CRY1: variants seen among roughly 807,000 people sequenced by gnomAD.
CRY1 encodes cryptochrome circadian regulator 1.
In CRY1, 45 loss-of-function variants were observed where a neutral mutation model predicts 76.0. That is an observed-to-expected ratio of 0.59 (90% CI 0.47 to 0.76). The LOEUF (loss-of-function observed/expected upper bound fraction) is 0.76, where lower values mean the gene tolerates loss of function less well. Among genes scored for constraint, CRY1 ranks in the 30% least tolerant of loss-of-function variants. CRY1 has a pLI of 0.00. For missense variants in CRY1, 587 were observed against 716.4 expected, an observed-to-expected ratio of 0.82 and a Z score of 2.06; for synonymous variants, 248 against 244.0, an observed-to-expected ratio of 1.02 and a Z score of -0.15.
chr12:107,026,295 G>C (rs562176842), intron 1 of CRY1, among the ~76,000 whole-genome samples: 1 of 149,604 alleles, frequency 6.7e-6, no homozygotes, highest in South Asian at 2.1e-4. Flanking sequence ...GCAGTGGCAC[G>C]ATCTCAGCTC....
At chr12:107,027,965 T>G (rs1952634025) in intron 1 of CRY1, among the ~76,000 whole-genome samples, 1 of 152,206 alleles carries the variant, frequency 6.6e-6, no homozygotes, top group South Asian at 2.1e-4. Flanking sequence ...TTCTGTATGC[T>G]AGTTTGTAAA....
At position 107,031,731 on chromosome 12, in the gene CRY1, C is replaced by T. The variant is rs1000982967; in HGVS notation, c.159-9539G>A. 2.6e-5 allele frequency among the ~76,000 whole-genome samples: 4 copies of T among 152,044 alleles called. No individual in the cohort carries two copies. The East Asian group carries it at 5.8e-4, about 22-fold the overall frequency. ...AATCAGAGAAACTCAAATTGAGGGCCGTTCTACAAAACATTTGACCAGTAC... is the reference window on the plus strand; with the variant it reads ...AATCAGAGAAACTCAAATTGAGGGCTGTTCTACAAAACATTTGACCAGTAC... On this transcript the variant is annotated intron_variant, in intron 1 of 12. Transcript: ENST00000008527.
intron 1 of CRY1, among the ~76,000 whole-genome samples, chr12:107,045,270 A>G (rs1352107308): frequency 6.6e-6 from 1 of 152,202 alleles, no homozygotes; most frequent in East Asian, 1.9e-4. Context: ...TACCATACTC[A>G]GCAAAGATAT....
At chr12:107,031,162 T>C (rs1209188325) in intron 1 of CRY1, among the ~76,000 whole-genome samples, 1 of 152,014 alleles carries the variant, frequency 6.6e-6, no homozygotes, top group Non-Finnish European at 1.5e-5. Flanking sequence ...CACCGGGTTG[T>C]CCAAAAAGCA....
At chr12:106,992,691 T>C in intron 12 of CRY1, 96 bp downstream of exon 12, 2 of 1,151,196 alleles carry the variant, frequency 1.7e-6, no homozygotes, top group Non-Finnish European at 2.5e-6. Context: ...GATTTTCTGG[T>C]TTGAAAATAG....
At chr12:107,058,847 C>G (rs1953015720) in intron 1 of CRY1, among the ~76,000 whole-genome samples, 1 of 152,208 alleles carries the variant, frequency 6.6e-6, no homozygotes, top group African/African-American at 2.4e-5. Flanking sequence ...ATGAGGCTTT[C>G]TGTACCCATA....
intron 1 of CRY1, among the ~76,000 whole-genome samples, chr12:107,089,547 G>A (rs1953444818): frequency 6.6e-6 from 1 of 151,830 alleles, no homozygotes; most frequent in African/African-American, 2.4e-5. Context: ...ATGAAAGGAT[G>A]GCAATATCAA....
rs1427317906 is a variant in CRY1 at position 107,059,595 on chromosome 12, T to TA, written c.158+33208_158+33209insT. Among the ~76,000 whole-genome samples the TA allele has an allele frequency of 1.5e-3, 221 of 152,246 alleles. 1 individual carries two copies. Among genetic ancestry groups the TA allele is most frequent in the Non-Finnish European group, 1.8e-3 (121 of 68,020 alleles). ...AAAATAATGGACAAGACTTCTAAAG[T>TA]CATCTATATACAGCTGTACAATTTA... On this transcript the variant is annotated intron_variant, in intron 1 of 12. Transcript: ENST00000008527.
intron 1 of CRY1, among the ~76,000 whole-genome samples, chr12:107,048,341 A>G (rs1411511212): frequency 6.6e-6 from 1 of 152,122 alleles, no homozygotes; most frequent in Non-Finnish European, 1.5e-5. Context: ...CGGCCTCCCA[A>G]AGTGCTGGGA....
At chr12:107,088,575 G>C (rs1237908876) in intron 1 of CRY1, among the ~76,000 whole-genome samples, 1 of 152,216 alleles carries the variant, frequency 6.6e-6, no homozygotes, top group African/African-American at 2.4e-5. Context: ...CTATTCAGCA[G>C]AGACACTGAA....
chr12:106,993,413 T>C (rs1952200363), intron 10 of CRY1, among the ~76,000 whole-genome samples: 1 of 151,594 alleles, frequency 6.6e-6, no homozygotes, highest in African/African-American at 2.4e-5. Flanking sequence ...ACATATTTCC[T>C]TGAGGATAAG....
chr12:107,044,311 G>A (rs1952827945), intron 1 of CRY1, among the ~76,000 whole-genome samples: 1 of 152,124 alleles, frequency 6.6e-6, no homozygotes, highest in African/African-American at 2.4e-5. Context: ...ATCCCAAAAA[G>A]CCTATGACAC....
At chr12:107,009,555 C>CAAACAAAA (rs1555275522) in intron 2 of CRY1, among the ~76,000 whole-genome samples, 1 of 32,176 alleles carries the variant, frequency 3.1e-5, no homozygotes, top group East Asian at 1.0e-3. Context: ...AACAAAAAAA[C>CAAACAAAA]AAAAAAACAT....
Position 106,992,968 on chromosome 12 carries a change from G to C in CRY1, c.1654C>G (p.Gln552Glu). 6.2e-7 allele frequency: 1 copy of C among 1,613,972 alleles called. No homozygotes were observed. Among genetic ancestry groups the C allele is most frequent in the Non-Finnish European group, 8.5e-7 (1 of 1,179,892 alleles). The change falls in exon 11 of 13, where the codon CAA becomes GAA. Residue 552 changes from glutamine to glutamate, a missense_variant. Transcript: ENST00000008527. Reference protein sequence around the residue: ...GDSQQTHLLKQGRSSMGTGLS... With the variant: ...GDSQQTHLLKEGRSSMGTGLS... Reference sequence around the variant, plus strand: ...TGCTCCAATGCTTCATTCTTACCTTGCTTCAACAGGTGAGTTTGCTGACTG... The same window carrying C: ...TGCTCCAATGCTTCATTCTTACCTTCCTTCAACAGGTGAGTTTGCTGACTG...
At position 107,061,712 on chromosome 12, in the gene CRY1, T is replaced by C. The variant is rs142642021; in HGVS notation, c.158+31092A>G. Reference sequence around the variant, plus strand: ...TACATTCTTTAGTTGCATTTGGACTTGGAAAATATTTCTTCAAATCCTATT... The same window carrying C: ...TACATTCTTTAGTTGCATTTGGACTCGGAAAATATTTCTTCAAATCCTATT... On this transcript the variant is annotated intron_variant, in intron 1 of 12. Coordinates refer to ENST00000008527, the MANE Select transcript of CRY1 (RefSeq NM_004075.5). Among the ~76,000 whole-genome samples, 747 of 152,264 alleles carry C rather than the reference T, an allele frequency of 4.9e-3. 8 individuals are homozygous for C. The highest frequency in any genetic ancestry group is 0.017 in the African/African-American group (690 of 41,558).
At chr12:107,027,115 A>G (rs1195769080) in intron 1 of CRY1, among the ~76,000 whole-genome samples, 1 of 152,150 alleles carries the variant, frequency 6.6e-6, no homozygotes, top group Non-Finnish European at 1.5e-5. Flanking sequence ...TGAACGAATA[A>G]TGTTACTTCA....
intron 1 of CRY1, among the ~76,000 whole-genome samples, chr12:107,083,116 C>A (rs1953348243): frequency 1.3e-5 from 2 of 152,130 alleles, no homozygotes; most frequent in Admixed American, 1.3e-4. Flanking sequence ...TTCCTGGACA[C>A]ATACACTCTC....
intron 5 of CRY1, among the ~76,000 whole-genome samples, chr12:107,000,286 A>G (rs376210921): frequency 7.9e-5 from 12 of 152,280 alleles, no homozygotes; most frequent in African/African-American, 2.9e-4. Context: ...TGTGCAGCAC[A>G]TACTCATGTG....
intron 2 of CRY1, among the ~76,000 whole-genome samples, chr12:107,019,501 C>T (rs1375785428): frequency 6.6e-6 from 1 of 152,130 alleles, no homozygotes; most frequent in Admixed American, 6.5e-5. Flanking sequence ...GATAGGACAT[C>T]ATTTAAATAC....
Sources: gnomAD v4.1 joint callset for allele counts (sites outside exome capture counted in the v4.1 genomes callset) on GRCh38, gnomAD v4.1.1 for gene constraint, MANE v1.5 for transcripts, NCBI Gene and HGNC (gene_info 2026-07-23, HGNC 2026-07-21) for gene names.